The following SDHAF4 variants were observed in gnomAD, a reference collection of about 807,000 sequenced individuals.
SDHAF4 encodes succinate dehydrogenase complex assembly factor 4.
A neutral mutation model predicts 14.3 loss-of-function variants in SDHAF4; 14 were observed. The ratio of observed to expected loss-of-function variants is 0.98; its 90% CI spans 0.65 to 1.53. The LOEUF is 1.53. SDHAF4 is among the 40% of genes most tolerant of loss of function. The pLI, the probability that SDHAF4 is intolerant of heterozygous loss-of-function variation, is 0.00. For missense variants in SDHAF4, 141 were observed against 129.3 expected (o/e 1.09, Z -0.44); for synonymous variants, 63 against 47.3 (o/e 1.33, Z -1.36).
At chr6:70,575,373 G>C (rs1246336334) in intron 1 of SDHAF4, among the ~76,000 whole-genome samples, 5 of 145,114 alleles carry the variant, frequency 3.4e-5, no homozygotes, top group Admixed American at 6.8e-5. Context: ...GTGAGACTCT[G>C]TCTGAAAAAA....
At position 70,583,020 on chromosome 6, in the gene SDHAF4, G is replaced by T. The variant is rs527577355; in HGVS notation, c.217+3454G>T. Among the ~76,000 whole-genome samples the T allele has an allele frequency of 4.6e-5, 7 of 152,296 alleles. No individual in the cohort carries two copies. The South Asian group carries it at 1.5e-3, about 32-fold the overall frequency. ...GAGATAATGTAAATAACGATGAACA[G>T]GACATCATGTGGTAACTAGCATGAG... On this transcript the variant is annotated intron_variant, in intron 2 of 2. Coordinates refer to ENST00000370474, the MANE Select transcript of SDHAF4 (RefSeq NM_145267.3).
intron 2 of SDHAF4, 59 bp from the exon 3 acceptor site, chr6:70,588,556 T>C: frequency 1.3e-6 from 1 of 743,928 alleles, no homozygotes; most frequent in Non-Finnish European, 2.2e-6. Flanking sequence ...TGAATTAAAT[T>C]GACTATAAGG....
intron 1 of SDHAF4, among the ~76,000 whole-genome samples, chr6:70,578,450 C>T (rs2128534864): frequency 6.6e-6 from 1 of 152,100 alleles, no homozygotes; most frequent in African/African-American, 2.4e-5. Flanking sequence ...TGTTTAAGTT[C>T]CTTATAGATT....
At chr6:70,579,870 T>A (rs192834071) in intron 2 of SDHAF4, among the ~76,000 whole-genome samples, 4,854 of 148,356 alleles carry the variant, frequency 0.033, 261 homozygotes, top group African/African-American at 0.11. Flanking sequence ...GTTATTTGTA[T>A]CAAAGAAGGT....
intron 1 of SDHAF4, among the ~76,000 whole-genome samples, chr6:70,569,243 C>A (rs910683931): frequency 1.3e-5 from 2 of 151,770 alleles, no homozygotes; most frequent in Non-Finnish European, 2.9e-5. Flanking sequence ...GGATTACAGG[C>A]GTGAGCCACC....
intron 1 of SDHAF4, among the ~76,000 whole-genome samples, chr6:70,569,105 A>G (rs1171877625): frequency 2.0e-5 from 3 of 149,998 alleles, no homozygotes; most frequent in East Asian, 3.9e-4. Context: ...AGCTGGGACT[A>G]CAGGCGCGCG....
chr6:70,591,559 G>A (rs980847820), downstream of SDHAF4, among the ~76,000 whole-genome samples: 1 of 152,056 alleles, frequency 6.6e-6, no homozygotes, highest in South Asian at 2.1e-4. Flanking sequence ...TCGATCTCCT[G>A]ATCTCGTGAT....
At chr6:70,583,686 A>AAAAAC (rs769694195) in intron 2 of SDHAF4, among the ~76,000 whole-genome samples, 1 of 152,206 alleles carries the variant, frequency 6.6e-6, no homozygotes, top group Admixed American at 6.5e-5. Flanking sequence ...AAACAAAAAC[A>AAAAAC]AAAACAAAAC....
At chr6:70,574,943 A>G (rs1802232925) in intron 1 of SDHAF4, among the ~76,000 whole-genome samples, 1 of 152,082 alleles carries the variant, frequency 6.6e-6, no homozygotes, top group Non-Finnish European at 1.5e-5. Flanking sequence ...AACAACAAAA[A>G]TCTTCCAGTT....
chr6:70,588,708 G>T lies in SDHAF4; in HGVS notation c.311G>T (p.Arg104Leu). The T allele has an allele frequency of 6.2e-7, 1 of 1,600,824 alleles. No homozygotes were observed. The highest frequency in any genetic ancestry group is 8.5e-7 in the Non-Finnish European group (1 of 1,171,198). The change falls in exon 3 of 3, where the codon CGC becomes CTC. Residue 104 changes from arginine (R) to leucine (L), a missense_variant. Transcript: ENST00000370474. ...TATGGAGATTGGGAACGAAAAGGACGCTGTATTGATTTTTAAGTCGCATAT... is the reference window on the plus strand; with the variant it reads ...TATGGAGATTGGGAACGAAAAGGACTCTGTATTGATTTTTAAGTCGCATAT... ...TRYGDWERKG[R>L]CIDF
Position 70,579,456 on chromosome 6 carries a change from C to T in SDHAF4, c.107C>T (p.Ser36Phe). 1 of 1,608,490 alleles carries T rather than the reference C, an allele frequency of 6.2e-7. No individual in the cohort carries two copies. The highest frequency in any genetic ancestry group is 8.5e-7 in the Non-Finnish European group (1 of 1,177,032). ...LCHSLRKTSS[S>F]QGGKSELVKQ... ...CATTCTCTGAGGAAAACAAGTTCTT[C>T]TCAAGGAGGAAAGTCTGAACTTGTC... is the stretch of plus-strand genomic sequence containing the variant. The change falls in exon 2 of 3, where the codon TCT becomes TTT. Residue 36 changes from serine (S) to phenylalanine (F), a missense_variant. By Grantham distance (155) the Ser-to-Phe change is radical. Transcript: ENST00000370474.
chr6:70,590,194 T>G (rs1337512216), downstream of SDHAF4, among the ~76,000 whole-genome samples: 2 of 151,736 alleles, frequency 1.3e-5, no homozygotes, highest in African/African-American at 4.8e-5. Flanking sequence ...GCCAAGATTG[T>G]GCCACTGCAC....
chr6:70,581,832 C>T (rs756553939), intron 2 of SDHAF4, among the ~76,000 whole-genome samples: 1 of 152,106 alleles, frequency 6.6e-6, no homozygotes, highest in Non-Finnish European at 1.5e-5. Context: ...CTGGCCTCAA[C>T]TCCTGGGCTC....
At chr6:70,568,532 G>C (rs1230128128) in intron 1 of SDHAF4, among the ~76,000 whole-genome samples, 1 of 151,982 alleles carries the variant, frequency 6.6e-6, no homozygotes, top group Non-Finnish European at 1.5e-5. Flanking sequence ...TCACATTGAC[G>C]CATGAGGTTG....
Position 70,588,767 on chromosome 6 carries a change from C to T in SDHAF4, c.*43C>T. ...TTCAATATTGTTTTCTGAATATGTA[C>T]ATCTGAATTAACTTATTTCTGATTA... is the stretch of plus-strand genomic sequence containing the variant. On this transcript the variant is annotated 3_prime_UTR_variant, in exon 3 of 3. Transcript: ENST00000370474. 2 of 1,100,182 alleles carry T rather than the reference C, an allele frequency of 1.8e-6. No individual in the cohort carries two copies. The highest frequency in any genetic ancestry group is 1.4e-5 in the South Asian group (1 of 73,988). The allele number at this position is 1,100,182 out of a possible 1,614,324, so 68.2% of individuals were successfully genotyped here.
chr6:70,581,015 T>A (rs1293835917), intron 2 of SDHAF4, among the ~76,000 whole-genome samples: 1 of 152,150 alleles, frequency 6.6e-6, no homozygotes, highest in Non-Finnish European at 1.5e-5. Flanking sequence ...CACTGCAACC[T>A]CCGCCTCCCA....
chr6:70,595,734 G>A, the SDHAF4 span, among the ~76,000 whole-genome samples: 5 of 151,748 alleles, frequency 3.3e-5, no homozygotes, highest in Non-Finnish European at 7.4e-5. Flanking sequence ...TACTCGGGAG[G>A]CTGATGCAGG....
intron 1 of SDHAF4, among the ~76,000 whole-genome samples, chr6:70,570,387 A>G (rs1424405538): frequency 6.6e-6 from 1 of 151,942 alleles, no homozygotes; most frequent in Non-Finnish European, 1.5e-5. Flanking sequence ...CAGTGGCGCA[A>G]TCTCTGCTCA....
chr6:70,595,623 T>G, the SDHAF4 span, among the ~76,000 whole-genome samples: 1 of 152,140 alleles, frequency 6.6e-6, no homozygotes, highest in South Asian at 2.1e-4. Flanking sequence ...GGCTCATGCC[T>G]GTAATCCCAG....
Sources: gnomAD v4.1 joint callset for allele counts (sites outside exome capture counted in the v4.1 genomes callset) on GRCh38, gnomAD v4.1.1 for gene constraint, MANE v1.5 for transcripts, NCBI Gene and HGNC (gene_info 2026-07-23, HGNC 2026-07-21) for gene names.